The following CAT variants were observed in gnomAD, a reference collection of about 807,000 sequenced individuals.
The protein encoded by CAT is catalase, also known as epididymis secretory sperm binding protein.
Under a neutral mutation model 59.0 loss-of-function variants are expected in CAT, and 43 were observed. The observed-to-expected ratio is 0.73, with a 90% CI of 0.57 to 0.94. The LOEUF is 0.94. Ranked by LOEUF, CAT falls within the 40% of genes least tolerant of loss-of-function variation. The pLI, the probability that CAT is intolerant of heterozygous loss-of-function variation, is 0.00. For missense variants in CAT, 664 were observed against 682.9 expected (o/e 0.97, Z 0.31); for synonymous variants, 218 against 230.9 (o/e 0.94, Z 0.51).
chr11:34,463,769 A>G (rs890717404), intron 9 of CAT, among the ~76,000 whole-genome samples: 1 of 152,192 alleles, frequency 6.6e-6, no homozygotes, highest in African/African-American at 2.4e-5. Flanking sequence ...ATGGTGGCCA[A>G]ATCAAGCCTG....
chr11:34,454,528 A>G (rs1856566887), intron 6 of CAT, among the ~76,000 whole-genome samples: 1 of 152,246 alleles, frequency 6.6e-6, no homozygotes, highest in Non-Finnish European at 1.5e-5. Context: ...ATAAGCAGAA[A>G]GAAGTGGGCT....
chr11:34,454,537 C>T (rs1856566964), intron 6 of CAT, among the ~76,000 whole-genome samples: 1 of 152,158 alleles, frequency 6.6e-6, no homozygotes, highest in East Asian at 1.9e-4. Flanking sequence ...AAGAAGTGGG[C>T]TCGTGACCAG....
chr11:34,451,001 CTT>C lies in CAT; in HGVS notation c.254_255del (p.Phe85Ter). 2 of 1,611,666 alleles carry C rather than the reference CTT, an allele frequency of 1.2e-6. No homozygotes were observed. Among genetic ancestry groups the C allele is most frequent in the Non-Finnish European group, 1.7e-6 (2 of 1,177,772 alleles). On this transcript the variant is annotated frameshift_variant, in exon 3 of 13. Transcript: ENST00000241052. LOFTEE classifies it high-confidence loss of function. The part of the protein sequence containing the change: ...HAKGAGAFGY[F>X]EVTHDITKYS... ...CTTTCTCGTTAGGGGCCTTTGGCTACTTTGAGGTCACACATGACATTACCAAA... is the reference window on the plus strand; with the variant it reads ...CTTTCTCGTTAGGGGCCTTTGGCTACTGAGGTCACACATGACATTACCAAA...
chr11:34,449,082 A>G (rs969357704), intron 1 of CAT, 110 bp from the exon 2 acceptor site: 3 of 976,962 alleles, frequency 3.1e-6, no homozygotes, highest in Admixed American at 2.0e-5. Flanking sequence ...ACAGGAAATT[A>G]AAAAAGAGGG....
intron 1 of CAT, among the ~76,000 whole-genome samples, chr11:34,447,609 CA>C (rs1856473350): frequency 6.6e-6 from 1 of 152,078 alleles, no homozygotes; most frequent in African/African-American, 2.4e-5. Context: ...GGTTTAGGGA[CA>C]GAGATGGTAG....
In CAT at chr11:34,461,288, G is replaced by A. The variant is rs757901578; in HGVS notation, c.1094G>A (p.Arg365His). The A allele has an allele frequency of 1.2e-5, 19 of 1,614,024 alleles. No homozygotes were observed. In the Middle Eastern group the frequency reaches 8.2e-4, roughly 70 times the overall value. ...GCCTATCCTGACACTCACCGCCATC[G>A]CCTGGGACCCAATTATCTTCATATA... is the stretch of plus-strand genomic sequence containing the variant. Reference protein sequence around the residue: ...LFAYPDTHRHRLGPNYLHIPV... With the variant: ...LFAYPDTHRHHLGPNYLHIPV... Residue 365 changes from arginine (R) to histidine (H), a missense_variant, in exon 9 of 13, where the codon CGC becomes CAC. Coordinates refer to ENST00000241052, the MANE Select transcript of CAT (RefSeq NM_001752.4).
intron 1 of CAT, 147 bp from the exon 2 acceptor site, chr11:34,449,045 A>G (rs1203180315): frequency 7.0e-6 from 5 of 711,358 alleles, no homozygotes; most frequent in Non-Finnish European, 9.7e-6. Flanking sequence ...GCAATGGCCC[A>G]TCCTGTCAGA....
At chr11:34,451,731 CACTT>C (rs1349657844) in intron 3 of CAT, among the ~76,000 whole-genome samples, 5 of 152,184 alleles carry the variant, frequency 3.3e-5, no homozygotes, top group Non-Finnish European at 5.9e-5. Flanking sequence ...TTTGACAACT[CACTT>C]ATTCTGTTTG....
At chr11:34,462,428 C>T (rs1933956357) in intron 9 of CAT, among the ~76,000 whole-genome samples, 1 of 152,026 alleles carries the variant, frequency 6.6e-6, no homozygotes, top group African/African-American at 2.4e-5. Context: ...ATTTATTTAT[C>T]TATTTATTTA....
At chr11:34,453,771 C>T (rs754462351) in intron 5 of CAT, 30 bp from the exon 6 acceptor site, 1 of 1,605,062 alleles carries the variant, frequency 6.2e-7, no homozygotes, top group South Asian at 1.1e-5. Flanking sequence ...TAAATGAAAA[C>T]ATTTTAGGCT....
chr11:34,456,988 A>G (rs968535960), intron 8 of CAT, 171 bp downstream of exon 8: 37 of 693,036 alleles, frequency 5.3e-5, no homozygotes, highest in Non-Finnish European at 9.0e-5. Context: ...CTATTCTTCA[A>G]TGAGCATTCC....
intron 1 of CAT, among the ~76,000 whole-genome samples, chr11:34,447,741 A>C (rs991324386): frequency 2.0e-5 from 3 of 152,216 alleles, no homozygotes; most frequent in Non-Finnish European, 4.4e-5. Context: ...GTGACAGCAT[A>C]TATGTGTTGA....
chr11:34,439,204 G>A (rs903489456), intron 1 of CAT, 125 bp downstream of exon 1: 1 of 911,640 alleles, frequency 1.1e-6, no homozygotes, highest in Admixed American at 2.0e-5. Flanking sequence ...ACTGGGCAGG[G>A]GGGATCCCCT....
intron 1 of CAT, among the ~76,000 whole-genome samples, chr11:34,445,312 A>T (rs1183707446): frequency 6.6e-6 from 1 of 151,608 alleles, no homozygotes; most frequent in Non-Finnish European, 1.5e-5. Context: ...GGCCAACATG[A>T]TGGAACCCTG....
intron 11 of CAT, among the ~76,000 whole-genome samples, chr11:34,469,580 C>T (rs1019482708): frequency 6.6e-6 from 1 of 152,032 alleles, no homozygotes; most frequent in African/African-American, 2.4e-5. Flanking sequence ...ATTTGTTAAG[C>T]GCTTACTCTG....
chr11:34,471,096 G>C (rs939295886), intron 12 of CAT, 55 bp downstream of exon 12: 1 of 1,434,980 alleles, frequency 7.0e-7, no homozygotes, highest in African/African-American at 1.4e-5. Flanking sequence ...GTTGGAGTAG[G>C]CATGACTTAG....
At chr11:34,444,973 A>C (rs935858272) in intron 1 of CAT, among the ~76,000 whole-genome samples, 1 of 152,206 alleles carries the variant, frequency 6.6e-6, no homozygotes, top group Non-Finnish European at 1.5e-5. Context: ...TATAAATTAA[A>C]ATATTTCTCT....
intron 12 of CAT, 104 bp downstream of exon 12, chr11:34,471,145 G>A: frequency 9.8e-7 from 1 of 1,020,240 alleles, no homozygotes; most frequent in Non-Finnish European, 1.6e-6. Context: ...GCCATTACCT[G>A]CCACTGTTAG....
chr11:34,453,827 G>A lies in CAT; in HGVS notation c.612G>A (p.Gly204=), dbSNP rs1410298582. 3 of 1,613,426 alleles carry A rather than the reference G, an allele frequency of 1.9e-6. No individual in the cohort carries two copies. Among genetic ancestry groups the A allele is most frequent in the Middle Eastern group, 1.6e-4 (1 of 6,084 alleles). ...HQVSFLFSDR[G]IPDGHRHMNG... The stretch of plus-strand genomic sequence containing the variant: ...TTTCTTTCTTGTTCAGTGATCGGGG[G>A]ATTCCAGATGGACATCGCCACATGA... The change falls in exon 6 of 13, where the codon GGG becomes GGA. Residue 204 remains glycine, a synonymous_variant. Coordinates refer to ENST00000241052, the MANE Select transcript of CAT (RefSeq NM_001752.4).
Sources: allele counts gnomAD v4.1 joint callset (sites outside exome capture counted in the v4.1 genomes callset), GRCh38; gene constraint gnomAD v4.1.1; transcripts MANE v1.5; gene names NCBI Gene and HGNC (gene_info 2026-07-23, HGNC 2026-07-21).